Variants in RALY observed in about 807,000 individuals in gnomAD.
The protein encoded by RALY is RALY heterogeneous nuclear ribonucleoprotein.
RALY carries 15 observed loss-of-function variants against 30.7 expected under a neutral mutation model. The ratio of observed to expected loss-of-function variants is 0.49; its 90% CI spans 0.33 to 0.75. RALY has a LOEUF of 0.75. RALY is among the 30% of genes least tolerant of loss of function. The pLI is 0.02. For missense variants in RALY, 339 were observed against 414.3 expected (o/e 0.82, Z 1.58); for synonymous variants, 177 against 170.8 (o/e 1.04, Z -0.28).
chr20:34,033,648 A>G (rs180903122), intron 2 of RALY, among the ~76,000 whole-genome samples: 7 of 152,174 alleles, frequency 4.6e-5, no homozygotes, highest in Non-Finnish European at 8.8e-5. Flanking sequence ...GGATTAATCT[A>G]TTCATGAGGG....
chr20:34,019,313 C>T (rs575763976), intron 1 of RALY, among the ~76,000 whole-genome samples: 2 of 151,866 alleles, frequency 1.3e-5, no homozygotes, highest in Non-Finnish European at 2.9e-5. Flanking sequence ...GGCGACACAG[C>T]GAGACTCTGT....
chr20:34,000,006 C>T (rs2030840170), intron 1 of RALY, among the ~76,000 whole-genome samples: 1 of 151,958 alleles, frequency 6.6e-6, no homozygotes, highest in African/African-American at 2.4e-5. Context: ...CTTAGTTTGG[C>T]ATTGGTGAGG....
intron 1 of RALY, among the ~76,000 whole-genome samples, chr20:34,018,464 C>T (rs895943978): frequency 7.9e-5 from 12 of 152,158 alleles, no homozygotes; most frequent in Non-Finnish European, 1.3e-4. Context: ...GCCTGCCCCT[C>T]CTTTCTGTGT....
intron 2 of RALY, among the ~76,000 whole-genome samples, chr20:34,041,234 G>C (rs1414529231): frequency 6.6e-6 from 1 of 152,198 alleles, no homozygotes; most frequent in Non-Finnish European, 1.5e-5. Flanking sequence ...GAAAGGGTCT[G>C]TACTCCTCAA....
chr20:34,015,586 CTT>C (rs752571889), intron 1 of RALY, among the ~76,000 whole-genome samples: 8 of 145,138 alleles, frequency 5.5e-5, no homozygotes, highest in African/African-American at 5.1e-5. Flanking sequence ...TTGGCATAGA[CTT>C]TTTTTTTTTT....
At chr20:34,073,280 C>T (rs1460775918) in intron 3 of RALY, among the ~76,000 whole-genome samples, 5 of 149,382 alleles carry the variant, frequency 3.3e-5, no homozygotes, top group East Asian at 4.0e-4. Flanking sequence ...TAGGAATATT[C>T]GACGTGTGTG....
intron 2 of RALY, among the ~76,000 whole-genome samples, chr20:34,046,732 A>G (rs1052753852): frequency 6.1e-5 from 9 of 148,034 alleles, no homozygotes; most frequent in Non-Finnish European, 3.0e-5. Flanking sequence ...CCAGGTTAGG[A>G]TTCAGTATAT....
intron 2 of RALY, among the ~76,000 whole-genome samples, chr20:34,044,419 C>G (rs1159292402): frequency 6.6e-6 from 1 of 151,800 alleles, no homozygotes; most frequent in African/African-American, 2.4e-5. Context: ...CTCCTAGGTT[C>G]AAGTGATTCT....
chr20:34,027,841 A>G lies in RALY; in HGVS notation c.-92-3681A>G, dbSNP rs528847402. 3.9e-5 allele frequency among the ~76,000 whole-genome samples: 6 copies of G among 152,304 alleles called. No individual in the cohort carries two copies. In the South Asian group the frequency reaches 1.2e-3, roughly 32 times the overall value. ...CCATCCTAACTCTGCCCTTTTCCTC[A>G]CCTGTTACCACATTGATAAAAACAT... is the stretch of plus-strand genomic sequence containing the variant. On this transcript the variant is annotated intron_variant, in intron 1 of 9. Transcript: ENST00000246194.
rs766291058 is a variant in RALY, at chr20:34,077,245, G to A, written c.876G>A (p.Leu292=). The A allele has an allele frequency of 6.2e-7, 1 of 1,613,738 alleles. No individual in the cohort carries two copies. The highest frequency in any genetic ancestry group is 1.7e-5 in the Admixed American group (1 of 60,014). The change falls in exon 8 of 10, where the codon CTG becomes CTA. Residue 292 remains leucine, a splice_region_variant and synonymous_variant. Transcript: ENST00000246194. The part of the protein sequence containing the change: ...EGLLTHSEEE[L]EHSQDTDADD... ...TCCTGACACACAGCGAGGAAGAGCT[G>A]GTGAGGGCCTGGCCAGGGGCACGAC...
At position 34,073,562 on chromosome 20, in the gene RALY, G is replaced by C. The variant is rs1231769377; in HGVS notation, c.257-1G>C. 6.3e-7 allele frequency: 1 copy of C among 1,587,858 alleles called. No individual in the cohort carries two copies. Among genetic ancestry groups the C allele is most frequent in the Non-Finnish European group, 8.6e-7 (1 of 1,156,148 alleles). ...CAACTCTGCCTTCTCCCTCCACACAGACATCAACATGGCTGGAGAGCCTAA... is the reference window on the plus strand; with the variant it reads ...CAACTCTGCCTTCTCCCTCCACACACACATCAACATGGCTGGAGAGCCTAA... On this transcript the variant is annotated splice_acceptor_variant, in intron 3 of 9. Transcript: ENST00000246194. LOFTEE classifies it high-confidence loss of function.
At chr20:34,006,644 T>C (rs1287777689) in intron 1 of RALY, among the ~76,000 whole-genome samples, 1 of 151,972 alleles carries the variant, frequency 6.6e-6, no homozygotes, top group Non-Finnish European at 1.5e-5. Context: ...TTTTTTTTAC[T>C]GTACCCATTG....
chr20:34,021,515 C>G (rs746223886), intron 1 of RALY, among the ~76,000 whole-genome samples: 6 of 152,160 alleles, frequency 3.9e-5, no homozygotes, highest in Non-Finnish European at 7.4e-5. Context: ...AGACACTTTC[C>G]TGCAGTAATG....
chr20:33,997,100 T>C (rs920247470), intron 1 of RALY, among the ~76,000 whole-genome samples: 6 of 152,126 alleles, frequency 3.9e-5, no homozygotes, highest in East Asian at 1.9e-4. Context: ...CCCCCCAGTA[T>C]CTGCAGAAGA....
At chr20:34,018,635 G>A (rs1357296934) in intron 1 of RALY, among the ~76,000 whole-genome samples, 1 of 152,156 alleles carries the variant, frequency 6.6e-6, no homozygotes, top group Non-Finnish European at 1.5e-5. Context: ...TACCCAGATG[G>A]AATGTTGTTC....
chr20:34,012,502 C>T (rs2031445917), intron 1 of RALY, among the ~76,000 whole-genome samples: 1 of 152,100 alleles, frequency 6.6e-6, no homozygotes, highest in Admixed American at 6.5e-5. Flanking sequence ...GCCCTACTTA[C>T]CCTTTCTTCT....
At chr20:34,053,383 ATT>A (rs60912814) in intron 2 of RALY, among the ~76,000 whole-genome samples, 5,888 of 52,696 alleles carry the variant, frequency 0.11, 18 homozygotes, top group Non-Finnish European at 0.13. Context: ...ATGTTCAATA[ATT>A]TTTTTTTTTT....
chr20:33,997,338 C>T (rs1238329913), intron 1 of RALY, among the ~76,000 whole-genome samples: 1 of 152,192 alleles, frequency 6.6e-6, no homozygotes, highest in Non-Finnish European at 1.5e-5. Context: ...TGGCTTCGAA[C>T]TCCTGAACCT....
chr20:34,056,217 C>T (rs1399560038), intron 2 of RALY, among the ~76,000 whole-genome samples: 1 of 152,186 alleles, frequency 6.6e-6, no homozygotes, highest in Non-Finnish European at 1.5e-5. Flanking sequence ...AATGTGGGAT[C>T]TCTGTCAAAC....
Sources: allele counts gnomAD v4.1 joint callset (sites outside exome capture counted in the v4.1 genomes callset), GRCh38; gene constraint gnomAD v4.1.1; transcripts MANE v1.5; gene names NCBI Gene and HGNC (gene_info 2026-07-23, HGNC 2026-07-21).